Variants in ZFP90 observed in about 807,000 individuals in gnomAD.
The protein encoded by ZFP90 is zinc finger protein 90 homolog.
ZFP90 carries 38 observed loss-of-function variants against 60.8 expected under a neutral mutation model. The ratio of observed to expected loss-of-function variants is 0.62; its 90% CI spans 0.48 to 0.82. ZFP90 has a LOEUF of 0.82. Ranked by LOEUF, ZFP90 falls within the 40% of genes least tolerant of loss-of-function variation. The pLI is 0.00. For missense variants in ZFP90, 711 were observed against 759.1 expected, an observed-to-expected ratio of 0.94 and a Z score of 0.74; for synonymous variants, 287 against 264.8, an observed-to-expected ratio of 1.08 and a Z score of -0.82.
intron 4 of ZFP90, chr16:68,562,545 C>G (rs1256741992): frequency 4.8e-5 from 8 of 168,318 alleles, no homozygotes; most frequent in Non-Finnish European, 1.3e-5. Flanking sequence ...ACTTTACAAA[C>G]TGAGAAAATG....
chr16:68,562,152 A>G (rs2091449407), intron 4 of ZFP90: 1 of 152,170 alleles, frequency 6.6e-6, no homozygotes, highest in African/African-American at 2.4e-5. Context: ...AATTTTTTTC[A>G]GTTTTTAAAA....
At chr16:68,557,494 T>C (rs796295719) in intron 2 of ZFP90, among the ~76,000 whole-genome samples, 9 of 152,146 alleles carry the variant, frequency 5.9e-5, no homozygotes, top group African/African-American at 2.2e-4. Flanking sequence ...ATGTATGGTA[T>C]TTCATAAAAC....
intron 1 of ZFP90, 61 bp from the exon 2 acceptor site, chr16:68,539,697 G>C: frequency 7.4e-7 from 1 of 1,353,010 alleles, no homozygotes; most frequent in Non-Finnish European, 9.9e-7. Flanking sequence ...GGTGGGGCGG[G>C]GCGGGGCGGG....
intron 2 of ZFP90, among the ~76,000 whole-genome samples, chr16:68,540,136 A>G (rs907142197): frequency 6.6e-6 from 1 of 152,120 alleles, no homozygotes; most frequent in East Asian, 1.9e-4. Flanking sequence ...TCAATAAGAA[A>G]TGGAGAGAGT....
intron 2 of ZFP90, among the ~76,000 whole-genome samples, chr16:68,548,252 C>T (rs62059531): frequency 0.012 from 1,752 of 152,208 alleles, 16 homozygotes; most frequent in African/African-American, 0.03. Context: ...TTGCTTTTCA[C>T]CTTTTTCTGT....
At position 68,534,229 on chromosome 16, in the gene ZFP90, C is replaced by CTTTTTTTTTTTTTTTTTTTTTTT. The variant is rs1555496914; in HGVS notation, c.-36+377_-36+378insTTTTTTTTTTTTTTTTTTTTTTT. 3.0e-5 allele frequency among the ~76,000 whole-genome samples: 4 copies of CTTTTTTTTTTTTTTTTTTTTTTT among 135,148 alleles called. 2 individuals carry two copies. The highest frequency in any genetic ancestry group is 3.1e-5 in the Non-Finnish European group (2 of 64,078). The allele number at this position is 135,148 out of a possible 152,430, so 88.7% of individuals were successfully genotyped here. A position where few individuals can be genotyped will look rare whatever the true frequency, so the allele number is the denominator to read the frequency against. On this transcript the variant is annotated intron_variant, in intron 2 of 3. Transcript: ENST00000569109. ...CATTTTTAACTTAAAGATTTTCTTT[C>CTTTTTTTTTTTTTTTTTTTTTTT]TTTCTTTTTTTTTTTTTGAGACAGC...
rs775154667 is a variant in ZFP90, at chr16:68,564,398, C to T, written c.1611C>T (p.Arg537=). ...AGTGTGGAGAAGCCTTTAGTCGACG[C>T]TCATCGCTTACTCAACATGAGAGAA... ...CNECGEAFSR[R]SSLTQHERTH... The change falls in exon 5 of 5, where the codon CGC becomes CGT. Residue 537 remains arginine (R), a synonymous_variant. Transcript: ENST00000563169. 6 of 1,613,794 alleles carry T rather than the reference C, an allele frequency of 3.7e-6. No homozygotes were observed. In the African/African-American group the frequency reaches 4.0e-5, roughly 11 times the overall value.
upstream of ZFP90, among the ~76,000 whole-genome samples, chr16:68,534,451 A>T (rs2090947108): frequency 6.7e-6 from 1 of 149,488 alleles, no homozygotes; most frequent in Non-Finnish European, 1.5e-5. Flanking sequence ...CATGGTCTTG[A>T]TCTCCTAACC....
At chr16:68,554,527 A>G (rs1267442156) in intron 2 of ZFP90, among the ~76,000 whole-genome samples, 1 of 152,222 alleles carries the variant, frequency 6.6e-6, no homozygotes, top group South Asian at 2.1e-4. Flanking sequence ...GATTGGGATC[A>G]AGAGTTAAAG....
chr16:68,569,552 G>A (rs574263821), downstream of ZFP90, among the ~76,000 whole-genome samples: 1 of 151,962 alleles, frequency 6.6e-6, no homozygotes, highest in Non-Finnish European at 1.5e-5. Flanking sequence ...GCAGCACTTC[G>A]CCCAGTCCTC....
chr16:68,574,775 A>G (rs1397468436), intron 2 of ZFP90, among the ~76,000 whole-genome samples: 3 of 151,916 alleles, frequency 2.0e-5, no homozygotes, highest in Non-Finnish European at 4.4e-5. Flanking sequence ...AAATACAAAA[A>G]TTAGCTGGCA....
intron 2 of ZFP90, among the ~76,000 whole-genome samples, chr16:68,540,381 G>C (rs1040378630): frequency 6.6e-6 from 1 of 152,134 alleles, no homozygotes; most frequent in Admixed American, 6.5e-5. Context: ...AGAGCTTTTT[G>C]TGTCTGTCCT....
chr16:68,558,562 T>C lies in ZFP90; in HGVS notation c.250T>C (p.Tyr84His), dbSNP rs1206958218. 3 of 1,613,310 alleles carry C rather than the reference T, an allele frequency of 1.9e-6. No individual in the cohort carries two copies. The highest frequency in any genetic ancestry group is 2.5e-6 in the Non-Finnish European group (3 of 1,179,550). The part of the protein sequence containing the change: ...ISEGEIQRPF[Y>H]PDWKTRPEVK... ...AGAGGGAGAAATCCAACGACCTTTCTATCCAGGTAAATGAGTGAGAGTCAG... is the reference window on the plus strand; with the variant it reads ...AGAGGGAGAAATCCAACGACCTTTCCATCCAGGTAAATGAGTGAGAGTCAG... The change falls in exon 4 of 5, where the codon TAT becomes CAT. Residue 84 changes from tyrosine to histidine, a missense_variant. Physicochemically the swap from Tyr to His is moderately conservative, Grantham distance 83. Coordinates refer to ENST00000563169, the MANE Select transcript of ZFP90 (RefSeq NM_001305203.2).
At chr16:68,534,267 A>G (rs2090946088) in intron 2 of ZFP90, among the ~76,000 whole-genome samples, 1 of 127,448 alleles carries the variant, frequency 7.8e-6, no homozygotes, top group African/African-American at 3.1e-5. Flanking sequence ...CTCACTGTGT[A>G]GCTCAGGCTG....
intron 4 of ZFP90, among the ~76,000 whole-genome samples, chr16:68,561,219 C>G (rs1464103029): frequency 6.6e-6 from 1 of 152,214 alleles, no homozygotes; most frequent in Non-Finnish European, 1.5e-5. Context: ...CTTAAAATTT[C>G]TGACAAACCA....
chr16:68,566,856 C>T lies in ZFP90; in HGVS notation c.*2158C>T, dbSNP rs779800014. The stretch of plus-strand genomic sequence containing the variant: ...CAACTGAGTGCTGCCCCCACTGTTA[C>T]GGAAGTTTATAAAACCTTAGTTCCA... On this transcript the variant is annotated 3_prime_UTR_variant, in exon 5 of 5. Transcript: ENST00000563169. 116 of 985,350 alleles carry T rather than the reference C, an allele frequency of 1.2e-4. No individual in the cohort carries two copies. The highest frequency in any genetic ancestry group is 5.2e-4 in the Middle Eastern group (1 of 1,934). 61.0% of individuals were successfully genotyped at this position (985,350 alleles called of 1,614,324 possible).
Position 68,565,167 on chromosome 16 carries a change from TC to T in ZFP90, c.*470del. The T allele has an allele frequency of 1.0e-6, 1 of 992,150 alleles. No homozygotes were observed. The highest frequency in any genetic ancestry group is 4.6e-5 in the South Asian group (1 of 21,892). 61.5% of individuals were successfully genotyped at this position (992,150 alleles called of 1,614,324 possible). A position where few individuals can be genotyped will look rare whatever the true frequency, so the allele number is the denominator to read the frequency against. ...GGAAGTCACCATTCAAAGAATTAGA[TC>T]AACTAGCCCAACCACTTCATTGTAC... is the stretch of plus-strand genomic sequence containing the variant. On this transcript the variant is annotated 3_prime_UTR_variant, in exon 5 of 5. Transcript: ENST00000563169.
chr16:68,558,169 C>G, intron 3 of ZFP90, 45 bp downstream of exon 3: 4 of 1,604,908 alleles, frequency 2.5e-6, no homozygotes, highest in Non-Finnish European at 3.4e-6. Flanking sequence ...ATGGGCCTTT[C>G]CTTCCTTGGT....
At chr16:68,573,927 C>T (rs73558815) in intron 2 of ZFP90, 1 of 152,266 alleles carries the variant, frequency 6.6e-6, no homozygotes, top group Non-Finnish European at 1.5e-5. Flanking sequence ...CGGCCATGTG[C>T]AGTGCTGAGT....
Sources: allele counts gnomAD v4.1 joint callset (sites outside exome capture counted in the v4.1 genomes callset), GRCh38; gene constraint gnomAD v4.1.1; transcripts MANE v1.5; gene names NCBI Gene and HGNC (gene_info 2026-07-23, HGNC 2026-07-21).